Variants in EPSTI1 observed in about 807,000 individuals in gnomAD.
EPSTI1 encodes the protein epithelial-stromal interaction protein 1.
Under a neutral mutation model 49.9 loss-of-function variants are expected in EPSTI1, and 66 were observed. The observed-to-expected ratio is 1.32, with a 90% confidence interval of 1.08 to 1.62. EPSTI1 has a LOEUF of 1.62. Among genes scored for constraint, EPSTI1 ranks in the 40% most tolerant of loss-of-function variants. EPSTI1 has a pLI of 0.00. For synonymous variants in EPSTI1, 137 were observed against 130.7 expected (o/e 1.05, Z -0.33); for missense variants, 394 against 365.5 (o/e 1.08, Z -0.64).
intron 8 of EPSTI1, among the ~76,000 whole-genome samples, chr13:42,900,961 A>G (rs764844806): frequency 3.3e-5 from 5 of 152,192 alleles, no homozygotes; most frequent in Non-Finnish European, 5.9e-5. Flanking sequence ...TCACATTATT[A>G]TAACTAAATC....
intron 1 of EPSTI1, among the ~76,000 whole-genome samples, chr13:42,980,014 T>C (rs964797703): frequency 6.6e-6 from 1 of 152,168 alleles, no homozygotes; most frequent in Non-Finnish European, 1.5e-5. Context: ...TTGACTTTTT[T>C]TTTCTTTCTT....
rs562760962 is a variant in EPSTI1 at position 42,895,739 on chromosome 13, A to G, written c.816-631T>C. 2.9e-4 allele frequency among the ~76,000 whole-genome samples: 44 copies of G among 152,332 alleles called. 1 individual carries two copies. In the South Asian group the frequency reaches 8.9e-3, roughly 31 times the overall value. ...AAATTTAAAATAATAAATCACAGGT[A>G]ACGTCGTGCTCTGAGTTGCCCACGT... On this transcript the variant is annotated intron_variant, in intron 9 of 10. Coordinates refer to ENST00000313624, the MANE Select transcript of EPSTI1 (RefSeq NM_033255.5).
At chr13:42,898,361 G>A (rs759592557) in intron 9 of EPSTI1, among the ~76,000 whole-genome samples, 34 of 152,286 alleles carry the variant, frequency 2.2e-4, no homozygotes, top group Non-Finnish European at 4.4e-4. Flanking sequence ...CATTGAGTAT[G>A]TATTCTCACA....
At position 42,963,254 on chromosome 13, in the gene EPSTI1, C is replaced by A. The variant is rs746679671; in HGVS notation, c.489+1G>T. On this transcript the variant is annotated splice_donor_variant, in intron 5 of 10. Transcript: ENST00000313624. LOFTEE classifies it high-confidence loss of function. ...TGTGAACTAATCCTCCTCCTCCTTA[C>A]CTTCTCTCTCTGAATTGCCTTCATT... is the stretch of plus-strand genomic sequence containing the variant. The A allele has an allele frequency of 1.4e-5, 23 of 1,611,656 alleles. No homozygotes were observed. The highest frequency in any genetic ancestry group is 3.3e-5 in the South Asian group (3 of 90,842).
At chr13:42,975,816 C>CA (rs34037470) in intron 1 of EPSTI1, among the ~76,000 whole-genome samples, 46,905 of 151,068 alleles carry the variant, frequency 0.31, 7,309 homozygotes, top group South Asian at 0.43. Flanking sequence ...AAAAGCCACA[C>CA]AAAAAAAAGT....
At chr13:42,916,265 A>C in intron 8 of EPSTI1, among the ~76,000 whole-genome samples, 1 of 59,884 alleles carries the variant, frequency 1.7e-5, no homozygotes, top group East Asian at 1.1e-3. Flanking sequence ...ACAAAAAGAT[A>C]TTTATTTAAA....
chr13:42,904,692 A>G (rs1203516854), intron 8 of EPSTI1, among the ~76,000 whole-genome samples: 4 of 152,200 alleles, frequency 2.6e-5, no homozygotes, highest in Admixed American at 6.5e-5. Context: ...AGTTACAAAG[A>G]CTAAGATGGA....
At chr13:42,920,875 A>G (rs1264994388) in intron 7 of EPSTI1, among the ~76,000 whole-genome samples, 1 of 152,192 alleles carries the variant, frequency 6.6e-6, no homozygotes, top group Non-Finnish European at 1.5e-5. Context: ...TTAAAGTAAC[A>G]AAGAAAAAAG....
intron 1 of EPSTI1, among the ~76,000 whole-genome samples, chr13:42,975,324 T>C (rs79568417): frequency 0.016 from 2,415 of 152,296 alleles, 65 homozygotes; most frequent in African/African-American, 0.054. Context: ...CCACCCCTGA[T>C]CAAGTATTCC....
intron 1 of EPSTI1, among the ~76,000 whole-genome samples, chr13:42,986,035 G>A (rs943302493): frequency 2.6e-5 from 4 of 152,214 alleles, no homozygotes; most frequent in Admixed American, 2.0e-4. Flanking sequence ...GTCTGTTGCT[G>A]CCCAGAGGGC....
chr13:42,955,234 G>A (rs952342290), intron 5 of EPSTI1, among the ~76,000 whole-genome samples: 11 of 152,154 alleles, frequency 7.2e-5, no homozygotes, highest in African/African-American at 2.4e-4. Flanking sequence ...GAGCACAAAA[G>A]TGTTCAATTG....
At chr13:42,889,346 T>G in intron 10 of EPSTI1, 1 of 734,728 alleles carries the variant, frequency 1.4e-6, no homozygotes, top group Non-Finnish European at 2.1e-6. Flanking sequence ...TAACAATGAT[T>G]AAAAAATAAA....
At chr13:42,964,997 T>C (rs918450332) in intron 3 of EPSTI1, among the ~76,000 whole-genome samples, 8 of 152,224 alleles carry the variant, frequency 5.3e-5, no homozygotes, top group Non-Finnish European at 7.3e-5. Context: ...ATAAATCTTA[T>C]AATTGAACTG....
intron 5 of EPSTI1, among the ~76,000 whole-genome samples, chr13:42,961,050 A>T (rs192183957): frequency 6.6e-6 from 1 of 152,334 alleles, no homozygotes; most frequent in Admixed American, 6.5e-5. Flanking sequence ...TGCCCACTAC[A>T]TGAATTATAA....
At chr13:42,973,855 T>C (rs1336528750) in intron 1 of EPSTI1, among the ~76,000 whole-genome samples, 1 of 152,144 alleles carries the variant, frequency 6.6e-6, no homozygotes, top group Non-Finnish European at 1.5e-5. Flanking sequence ...CTGAAATAAA[T>C]ATATATATTT....
At chr13:42,889,354 A>G (rs1330415997) in intron 10 of EPSTI1, 1 of 707,358 alleles carries the variant, frequency 1.4e-6, no homozygotes, top group African/African-American at 1.8e-5. Flanking sequence ...ATTAAAAAAT[A>G]AAAATCAATC....
chr13:42,961,016 A>G (rs1566159893), intron 5 of EPSTI1, among the ~76,000 whole-genome samples: 1 of 152,234 alleles, frequency 6.6e-6, no homozygotes, highest in Non-Finnish European at 1.5e-5. Flanking sequence ...TAAAACGTGG[A>G]CATCTTGGGG....
chr13:42,974,015 A>T (rs1159156181), intron 1 of EPSTI1, among the ~76,000 whole-genome samples: 2 of 152,248 alleles, frequency 1.3e-5, no homozygotes, highest in Non-Finnish European at 2.9e-5. Context: ...TTTCTGCACC[A>T]TAAGAAACAT....
At chr13:42,925,734 T>C (rs1426708670) in intron 7 of EPSTI1, among the ~76,000 whole-genome samples, 3 of 152,250 alleles carry the variant, frequency 2.0e-5, no homozygotes, top group Non-Finnish European at 4.4e-5. Context: ...TGTGTCTTTA[T>C]TAATTCTGAT....
Sources: gnomAD v4.1 joint callset for allele counts (sites outside exome capture counted in the v4.1 genomes callset) on GRCh38, gnomAD v4.1.1 for gene constraint, MANE v1.5 for transcripts, NCBI Gene and HGNC (gene_info 2026-07-23, HGNC 2026-07-21) for gene names.